Variants in SNX33 observed in about 807,000 individuals in gnomAD.
SNX33 encodes sorting nexin-33.
A neutral mutation model predicts 38.8 loss-of-function variants in SNX33; 19 were observed. The observed-to-expected ratio is 0.49, with a 90% confidence interval of 0.34 to 0.72. SNX33 has a LOEUF of 0.72. Ranked by LOEUF, SNX33 falls within the 30% of genes least tolerant of loss-of-function variation. The pLI is 0.01. For synonymous variants in SNX33, 246 were observed against 289.7 expected (o/e 0.85, Z 1.53); for missense variants, 641 against 776.4 (o/e 0.83, Z 2.07).
intron 1 of SNX33, among the ~76,000 whole-genome samples, chr15:75,651,346 C>T (rs888234830): frequency 6.6e-6 from 1 of 152,216 alleles, no homozygotes; most frequent in African/African-American, 2.4e-5. Flanking sequence ...TGTGGCCCGG[C>T]TGGGACTGTC....
In SNX33 at chr15:75,649,632, GT is replaced by G; in HGVS notation, c.531del (p.Ser177ArgfsTer28). ...AGCCTGGCATCTGCCAAGCGAGGCA[GT>G]GTGGTGGGCCGTAACCTCAACCGTT... Reference protein sequence around the residue: ...QDSLASAKRGSVVGRNLNRFS... With the variant: ...QDSLASAKRGXVVGRNLNRFS... On this transcript the variant is annotated frameshift_variant, in exon 1 of 2. Coordinates refer to ENST00000308527, the MANE Select transcript of SNX33 (RefSeq NM_153271.2). LOFTEE classifies it high-confidence loss of function. This position sits in a 1 kb window ranked among gnomAD's most constrained non-coding sequence, Gnocchi z 6.6. The G allele has an allele frequency of 6.2e-7, 1 of 1,611,860 alleles. No homozygotes were observed. Among genetic ancestry groups the G allele is most frequent in the Non-Finnish European group, 8.5e-7 (1 of 1,178,808 alleles).
At position 75,657,753 on chromosome 15, in the gene SNX33, A is replaced by T. The variant is rs1483984138; in HGVS notation, c.*538A>T. 1 of 170,920 alleles carries T rather than the reference A, an allele frequency of 5.9e-6. No individual in the cohort carries two copies. Among genetic ancestry groups the T allele is most frequent in the East Asian group, 1.5e-4 (1 of 6,744 alleles). 10.6% of individuals were successfully genotyped at this position (170,920 alleles called of 1,614,324 possible). ...CACAGCATTCCACTGGTCAGGGAAG[A>T]CTCCATAGAGTAGGCAACATTTGGG... On this transcript the variant is annotated 3_prime_UTR_variant, in exon 2 of 2. Transcript: ENST00000308527. This position sits in a 1 kb window ranked among gnomAD's most constrained non-coding sequence, Gnocchi z 5.5.
At chr15:75,653,012 G>C (rs1435651852) in intron 1 of SNX33, among the ~76,000 whole-genome samples, 1 of 152,154 alleles carries the variant, frequency 6.6e-6, no homozygotes. Context: ...GCCTAGGTGG[G>C]AGTCAGGAGA....
rs1175502823 is a variant in SNX33 at position 75,648,941 on chromosome 15, C to T, written c.-162C>T. 1 of 813,736 alleles carries T rather than the reference C, an allele frequency of 1.2e-6. No homozygotes were observed. Among genetic ancestry groups the T allele is most frequent in the Admixed American group, 3.3e-5 (1 of 30,316 alleles). The allele number at this position is 813,736 out of a possible 1,614,324, so 50.4% of individuals were successfully genotyped here. A position where few individuals can be genotyped will look rare whatever the true frequency, so the allele number is the denominator to read the frequency against. On this transcript the variant is annotated 5_prime_UTR_variant, in exon 1 of 2. Coordinates refer to ENST00000308527, the MANE Select transcript of SNX33 (RefSeq NM_153271.2). The surrounding 1 kb of genome is among the most constrained non-coding windows in gnomAD (Gnocchi z 4.4). Reference sequence around the variant, plus strand: ...GGACATTGCTTTGAAGAGGGGGAGACTGGACAGCATCTGTGGGTGCTGAGA... The same window carrying T: ...GGACATTGCTTTGAAGAGGGGGAGATTGGACAGCATCTGTGGGTGCTGAGA...
At position 75,657,113 on chromosome 15, in the gene SNX33, C is replaced by A. The variant is rs1228052026; in HGVS notation, c.1623C>A (p.Asp541Glu). The A allele has an allele frequency of 1.2e-6, 2 of 1,614,206 alleles. No individual in the cohort carries two copies. Among genetic ancestry groups the A allele is most frequent in the Admixed American group, 3.3e-5 (2 of 60,030 alleles). ...ACTTCCACCAGCGCCGTGAGCTCGACTTCAAGCACATGATGCAGAACTACT... is the reference window on the plus strand; with the variant it reads ...ACTTCCACCAGCGCCGTGAGCTCGAATTCAAGCACATGATGCAGAACTACT... ...MNHFHQRREL[D>E]FKHMMQNYLR... Residue 541 changes from aspartate to glutamate, a missense_variant, in exon 2 of 2, where the codon GAC becomes GAA. Physicochemically the swap from Asp to Glu is conservative, Grantham distance 45. This residue lies in a region of SNX33 where 398 missense variants were observed against 542.5 expected (regional missense o/e 0.73). Transcript: ENST00000308527. This position sits in a 1 kb window ranked among gnomAD's most constrained non-coding sequence, Gnocchi z 5.5.
rs1275979182 is a variant in SNX33, at chr15:75,659,969, T to TG, written c.*2758dup. ...TGGGGGTGGGGGTATTGGGGGAACT[T>TG]GGGGCCGTTCTGGGGTAGCTAAGCC... On this transcript the variant is annotated 3_prime_UTR_variant, in exon 2 of 2. Coordinates refer to ENST00000308527, the MANE Select transcript of SNX33 (RefSeq NM_153271.2). 5.8e-5 allele frequency: 6 copies of TG among 103,990 alleles called. No individual in the cohort carries two copies. The highest frequency in any genetic ancestry group is 1.1e-4 in the Admixed American group (1 of 9,004). 6.4% of individuals were successfully genotyped at this position (103,990 alleles called of 1,614,324 possible).
intron 1 of SNX33, among the ~76,000 whole-genome samples, chr15:75,653,468 G>A (rs1201732442): frequency 6.6e-6 from 1 of 152,222 alleles, no homozygotes; most frequent in African/African-American, 2.4e-5. Flanking sequence ...TCAGGAGGGC[G>A]ATGTGGTCAC....
chr15:75,650,159 A>C lies in SNX33; in HGVS notation c.1057A>C (p.Met353Leu). 1 of 1,611,848 alleles carries C rather than the reference A, an allele frequency of 6.2e-7. No homozygotes were observed. The highest frequency in any genetic ancestry group is 1.3e-5 in the African/African-American group (1 of 74,952). The change falls in exon 1 of 2, where the codon ATG becomes CTG. Residue 353 changes from methionine (M) to leucine (L), a missense_variant. Physicochemically the swap from Met to Leu is conservative, Grantham distance 15. Transcript: ENST00000308527. This position sits in a 1 kb window ranked among gnomAD's most constrained non-coding sequence, Gnocchi z 6.1. ...MGKRRAEKDE[M>L]VGASFLLTFQ... is the part of the protein sequence containing the mutation. ...CAAACGCCGGGCGGAGAAGGATGAGATGGTGGGTGCCAGCTTCCTGCTCAC... is the reference window on the plus strand; with the variant it reads ...CAAACGCCGGGCGGAGAAGGATGAGCTGGTGGGTGCCAGCTTCCTGCTCAC...
At position 75,660,977 on chromosome 15, in the gene SNX33, C is replaced by G. The variant is rs147709199; in HGVS notation, c.*3762C>G. The G allele has an allele frequency of 6.6e-6, 1 of 152,222 alleles. No homozygotes were observed. Among genetic ancestry groups the G allele is most frequent in the African/African-American group, 2.4e-5 (1 of 41,434 alleles). 9.4% of individuals were successfully genotyped at this position (152,222 alleles called of 1,614,324 possible). A position where few individuals can be genotyped will look rare whatever the true frequency, so the allele number is the denominator to read the frequency against. On this transcript the variant is annotated 3_prime_UTR_variant, in exon 2 of 2. Transcript: ENST00000308527. Reference sequence around the variant, plus strand: ...TTCAGCTCCTTATTGAACAGATGGGCGCCTGAGGCCCAGGGAGCAGTGGTG... The same window carrying G: ...TTCAGCTCCTTATTGAACAGATGGGGGCCTGAGGCCCAGGGAGCAGTGGTG...
intron 1 of SNX33, among the ~76,000 whole-genome samples, chr15:75,653,746 G>T (rs963275995): frequency 5.3e-5 from 8 of 152,198 alleles, no homozygotes; most frequent in Non-Finnish European, 1.0e-4. Context: ...CCAAGGCAAA[G>T]TGGCGACTGT....
intron 1 of SNX33, among the ~76,000 whole-genome samples, chr15:75,651,502 G>C (rs1422243325): frequency 6.6e-6 from 1 of 152,182 alleles, no homozygotes; most frequent in African/African-American, 2.4e-5. Flanking sequence ...ATGAACTGCC[G>C]GGGAAATGAC....
At position 75,657,654 on chromosome 15, in the gene SNX33, G is replaced by A. The variant is rs1340302413; in HGVS notation, c.*439G>A. ...TCAGGAGTCCTCAGTGAAGGTCGGG[G>A]TCAGACACAGACAGAGTCAATGCAG... On this transcript the variant is annotated 3_prime_UTR_variant, in exon 2 of 2. Transcript: ENST00000308527. The surrounding 1 kb of genome is among the most constrained non-coding windows in gnomAD (Gnocchi z 5.5). 4.0e-6 allele frequency: 1 copy of A among 248,498 alleles called. No homozygotes were observed. Among genetic ancestry groups the A allele is most frequent in the East Asian group, 9.0e-5 (1 of 11,086 alleles). The allele number at this position is 248,498 out of a possible 1,614,324, so 15.4% of individuals were successfully genotyped here. A position where few individuals can be genotyped will look rare whatever the true frequency, so the allele number is the denominator to read the frequency against.
chr15:75,650,232 G>A lies in SNX33; in HGVS notation c.1130G>A (p.Arg377His), dbSNP rs776636744. ...EHQDLQDVED[R>H]VDTFKAFSKK... is the part of the protein sequence containing the mutation. ...CAGGACTTGCAGGACGTGGAAGATC[G>A]CGTGGACACTTTCAAGGCCTTCAGT... Residue 377 changes from arginine (R) to histidine (H), a missense_variant, in exon 1 of 2, where the codon CGC (arginine) becomes CAC (histidine). Arg to His is a conservative substitution (Grantham distance 29). This residue lies in a region of SNX33 where 398 missense variants were observed against 542.5 expected (regional missense o/e 0.73). Transcript: ENST00000308527. The surrounding 1 kb of genome is among the most constrained non-coding windows in gnomAD (Gnocchi z 6.1). 6 of 1,588,590 alleles carry A rather than the reference G, an allele frequency of 3.8e-6. No individual in the cohort carries two copies. In the African/African-American group the frequency reaches 4.0e-5, roughly 11 times the overall value.
Position 75,655,011 on chromosome 15 carries a change from C to T in SNX33, c.1472-1951C>T, listed in dbSNP as rs72732855. Among the ~76,000 whole-genome samples the T allele has an allele frequency of 5.6e-3, 849 of 152,332 alleles. 2 individuals carry two copies. Among genetic ancestry groups the T allele is most frequent in the Non-Finnish European group, 9.9e-3 (673 of 68,030 alleles). On this transcript the variant is annotated intron_variant, in intron 1 of 1. Coordinates refer to ENST00000308527, the MANE Select transcript of SNX33 (RefSeq NM_153271.2). ...CTCCTCTTTAGCTAGGTTCCTTCTG[C>T]GGAAGTTTAACTCCAGTTTCTTCAC... is the stretch of plus-strand genomic sequence containing the variant.
At chr15:75,653,105 C>T (rs775154521) in intron 1 of SNX33, among the ~76,000 whole-genome samples, 10 of 152,212 alleles carry the variant, frequency 6.6e-5, no homozygotes, top group South Asian at 2.1e-4. Context: ...AAATGGGACC[C>T]GAGGGTCTTC....
chr15:75,655,034 C>T (rs1360839050), intron 1 of SNX33, among the ~76,000 whole-genome samples: 1 of 152,242 alleles, frequency 6.6e-6, no homozygotes. Context: ...CCAGTTTCTT[C>T]ACCCTGCTGT....
Position 75,657,048 on chromosome 15 carries a change from T to C in SNX33, c.1558T>C (p.Cys520Arg). The change falls in exon 2 of 2, where the codon TGC (cysteine) becomes CGC (arginine). Residue 520 changes from cysteine (C) to arginine (R), a missense_variant. This residue lies in a region of SNX33 where 398 missense variants were observed against 542.5 expected (regional missense o/e 0.73). Transcript: ENST00000308527. This position sits in a 1 kb window ranked among gnomAD's most constrained non-coding sequence, Gnocchi z 5.5. ...CGAGGCAGACGGCATTCGCAGGCGC[T>C]GCCGCGTGGTGGGTTTCGCCCTGCA... is the stretch of plus-strand genomic sequence containing the variant. ...QDEADGIRRRCRVVGFALQAE... is the reference protein window; with the variant it reads ...QDEADGIRRRRRVVGFALQAE... 1 of 1,614,156 alleles carries C rather than the reference T, an allele frequency of 6.2e-7. No individual in the cohort carries two copies. Among genetic ancestry groups the C allele is most frequent in the South Asian group, 1.1e-5 (1 of 91,090 alleles).
Position 75,661,376 on chromosome 15 carries a change from A to G in SNX33, c.*4161A>G, listed in dbSNP as rs982931255. 2 of 98,830 alleles carry G rather than the reference A, an allele frequency of 2.0e-5. No homozygotes were observed. Among genetic ancestry groups the G allele is most frequent in the Admixed American group, 2.9e-4 (2 of 6,830 alleles). The allele number at this position is 98,830 out of a possible 1,614,324, so 6.1% of individuals were successfully genotyped here. ...CCCACCCACCCTAACCTGCTTCCCC[A>G]CTAGTTCGGCTCTGGTTCCCCTCTC... On this transcript the variant is annotated 3_prime_UTR_variant, in exon 2 of 2. Coordinates refer to ENST00000308527, the MANE Select transcript of SNX33 (RefSeq NM_153271.2). The surrounding 1 kb of genome is among the most constrained non-coding windows in gnomAD (Gnocchi z 4.5).
At position 75,656,973 on chromosome 15, in the gene SNX33, A is replaced by T; in HGVS notation, c.1483A>T (p.Lys495Ter). 6.2e-7 allele frequency: 1 copy of T among 1,612,800 alleles called. No homozygotes were observed. The highest frequency in any genetic ancestry group is 8.5e-7 in the Non-Finnish European group (1 of 1,179,080). ...IIHLQKGAFA[K>*]VKESQRMSDE... ...TCTGCCTATGCCAGGCGCCTTCGCCAAGGTGAAGGAGAGCCAACGCATGAG... is the reference window on the plus strand; with the variant it reads ...TCTGCCTATGCCAGGCGCCTTCGCCTAGGTGAAGGAGAGCCAACGCATGAG... The change falls in exon 2 of 2, where the codon AAG (lysine) becomes TAG (stop). Residue 495 changes from lysine to a stop codon, truncating the protein, a stop_gained. Transcript: ENST00000308527. LOFTEE classifies it high-confidence loss of function.
Sources: gnomAD v4.1 joint callset for allele counts (sites outside exome capture counted in the v4.1 genomes callset) on GRCh38, gnomAD v4.1.1 for gene constraint, gnomAD v4.1.1 regional missense constraint, Gnocchi (gnomAD v3.1) non-coding constraint, MANE v1.5 for transcripts, NCBI Gene and HGNC (gene_info 2026-07-23, HGNC 2026-07-21) for gene names.